The following RUFY3 variants were observed in gnomAD, a reference collection of about 807,000 sequenced individuals.
The protein encoded by RUFY3 is RUN and FYVE domain containing 3, also known as protein RUFY3.
A neutral mutation model predicts 84.0 loss-of-function variants in RUFY3; 34 were observed. That is an observed-to-expected ratio of 0.40 (90% CI 0.31 to 0.54). The LOEUF (loss-of-function observed/expected upper bound fraction) is 0.54. RUFY3 is among the 20% of genes least tolerant of loss of function. The pLI is 0.39. For synonymous variants in RUFY3, 242 were observed against 252.9 expected, an observed-to-expected ratio of 0.96 and a Z score of 0.41; for missense variants, 507 against 736.8, an observed-to-expected ratio of 0.69 and a Z score of 3.61.
intron 1 of RUFY3, among the ~76,000 whole-genome samples, chr4:70,750,470 C>A (rs568055557): frequency 1.9e-4 from 29 of 152,226 alleles, no homozygotes; most frequent in Non-Finnish European, 3.4e-4. Flanking sequence ...AAGAAACATA[C>A]AAGTTATATA....
chr4:70,768,785 C>T, intron 5 of RUFY3, 124 bp downstream of exon 5: 1 of 871,012 alleles, frequency 1.1e-6, no homozygotes, highest in Non-Finnish European at 1.7e-6. Context: ...GGATTTCCTT[C>T]CATTTTGATG....
chr4:70,804,521 C>T lies in RUFY3; in HGVS notation c.1719+105C>T, dbSNP rs1732625129. 1.1e-5 allele frequency: 10 copies of T among 887,634 alleles called. No individual in the cohort carries two copies. The South Asian group carries it at 1.2e-4, about 11-fold the overall frequency. 55.0% of individuals were successfully genotyped at this position (887,634 alleles called of 1,614,324 possible). ...ACTTTCCCGCATAGAGTGCAGAGTG[C>T]ATGCAGAGTGCTGGGAGTGGGGTGA... On this transcript the variant is annotated intron_variant, in intron 17 of 17. Transcript: ENST00000381006.
intron 1 of RUFY3, among the ~76,000 whole-genome samples, chr4:70,711,900 T>C (rs1179934338): frequency 6.6e-6 from 1 of 152,256 alleles, no homozygotes; most frequent in Non-Finnish European, 1.5e-5. Flanking sequence ...TCCCAGCCAA[T>C]TCTCCCCTTC....
upstream of RUFY3, among the ~76,000 whole-genome samples, chr4:70,721,509 A>G (rs1000104068): frequency 1.1e-4 from 17 of 152,114 alleles, no homozygotes; most frequent in Non-Finnish European, 1.9e-4. Flanking sequence ...TAAGATATTT[A>G]AATTGAAAAT....
chr4:70,719,834 C>T (rs1216003836), upstream of RUFY3, among the ~76,000 whole-genome samples: 2 of 152,126 alleles, frequency 1.3e-5, no homozygotes, highest in Non-Finnish European at 2.9e-5. Flanking sequence ...GTGTTTCTGT[C>T]TTACTGCTGC....
chr4:70,783,745 C>T (rs1310274438), intron 9 of RUFY3, among the ~76,000 whole-genome samples: 1 of 152,160 alleles, frequency 6.6e-6, no homozygotes, highest in Non-Finnish European at 1.5e-5. Flanking sequence ...ATTGACAATT[C>T]CCTACTAAAT....
chr4:70,771,285 A>G (rs959451351), intron 5 of RUFY3, among the ~76,000 whole-genome samples: 1 of 152,098 alleles, frequency 6.6e-6, no homozygotes, highest in Non-Finnish European at 1.5e-5. Flanking sequence ...CTGTGAAGCA[A>G]AGTGCAATAA....
At chr4:70,788,009 G>A (rs533654307) in intron 10 of RUFY3, among the ~76,000 whole-genome samples, 6 of 152,176 alleles carry the variant, frequency 3.9e-5, no homozygotes, top group South Asian at 4.1e-4. Context: ...GTTAGCGGCC[G>A]AGTGTGGTGG....
At chr4:70,799,752 AT>A (rs1578260055) in intron 14 of RUFY3, 1 of 181,476 alleles carries the variant, frequency 5.5e-6, no homozygotes, top group African/African-American at 2.4e-5. Context: ...CGTCCAGAGG[AT>A]TATAGTCTGC....
chr4:70,722,273 G>T lies in RUFY3; in HGVS notation c.-301G>T. 8.1e-7 allele frequency: 1 copy of T among 1,232,992 alleles called. No individual in the cohort carries two copies. The highest frequency in any genetic ancestry group is 1.0e-6 in the Non-Finnish European group (1 of 989,354). The allele number at this position is 1,232,992 out of a possible 1,614,324, so 76.4% of individuals were successfully genotyped here. ...GCTCAGCTGAAAAAAAAGGTGGGGG[G>T]CAGGGAAGGGAAGATAAAAGGAGAG... is the stretch of plus-strand genomic sequence containing the variant. On this transcript the variant is annotated 5_prime_UTR_variant, in exon 1 of 18. Coordinates refer to ENST00000381006, the MANE Select transcript of RUFY3 (RefSeq NM_001037442.4).
chr4:70,764,579 A>T lies in RUFY3; in HGVS notation c.572+3A>T, dbSNP rs780913286. The T allele has an allele frequency of 1.3e-6, 2 of 1,539,872 alleles. No individual in the cohort carries two copies. The highest frequency in any genetic ancestry group is 1.1e-5 in the South Asian group (1 of 88,564). On this transcript the variant is annotated splice_donor_region_variant and intron_variant, in intron 4 of 17. Transcript: ENST00000381006. ...ATCAATAAGAAAGAACTTCTCAGGT[A>T]TGAACACCTTCTTGAACTTTCTTCT...
chr4:70,711,736 C>T (rs1479962990), intron 1 of RUFY3, among the ~76,000 whole-genome samples: 1 of 152,190 alleles, frequency 6.6e-6, no homozygotes, highest in Non-Finnish European at 1.5e-5. Context: ...TTGGCTCCTT[C>T]CACACACAGC....
At position 70,722,514 on chromosome 4, in the gene RUFY3, GGTGTGTGTGTGTGAGT is replaced by G; in HGVS notation, c.-49_-34del. 7.0e-7 allele frequency: 1 copy of G among 1,430,966 alleles called. No individual in the cohort carries two copies. Among genetic ancestry groups the G allele is most frequent in the Non-Finnish European group, 9.3e-7 (1 of 1,077,662 alleles). The allele number at this position is 1,430,966 out of a possible 1,614,324, so 88.6% of individuals were successfully genotyped here. On this transcript the variant is annotated 5_prime_UTR_variant, in exon 1 of 18. Transcript: ENST00000381006. ...GTGAGGAGGTTGTATTTATTTTTTT[GGTGTGTGTGTGTGAGT>G]GTGTGTGTGTCTGTGTGTGTGTTGT...
chr4:70,719,654 T>C (rs757214666), upstream of RUFY3, among the ~76,000 whole-genome samples: 1 of 152,244 alleles, frequency 6.6e-6, no homozygotes, highest in Non-Finnish European at 1.5e-5. Context: ...CTACTTACTA[T>C]GTTTTGAAGT....
intron 1 of RUFY3, among the ~76,000 whole-genome samples, chr4:70,724,971 G>A (rs1263221196): frequency 1.3e-5 from 2 of 152,146 alleles, no homozygotes; most frequent in African/African-American, 2.4e-5. Flanking sequence ...ATGTCTGGAC[G>A]CGGGAGTATT....
chr4:70,722,262 A>G lies in RUFY3; in HGVS notation c.-312A>G. ...TAAAGCCTATAGCTCAGCTGAAAAA[A>G]AAGGTGGGGGGCAGGGAAGGGAAGA... On this transcript the variant is annotated 5_prime_UTR_variant, in exon 1 of 18. Transcript: ENST00000381006. The G allele has an allele frequency of 8.1e-7, 1 of 1,232,824 alleles. No homozygotes were observed. Among genetic ancestry groups the G allele is most frequent in the Non-Finnish European group, 1.0e-6 (1 of 989,082 alleles). The allele number at this position is 1,232,824 out of a possible 1,614,324, so 76.4% of individuals were successfully genotyped here.
intron 1 of RUFY3, among the ~76,000 whole-genome samples, chr4:70,710,191 C>G (rs1424971472): frequency 6.6e-6 from 1 of 152,112 alleles, no homozygotes; most frequent in Non-Finnish European, 1.5e-5. Flanking sequence ...TTTATGCTTG[C>G]AGTTTCATTA....
At chr4:70,714,403 T>C (rs1342069714) in intron 1 of RUFY3, among the ~76,000 whole-genome samples, 1 of 152,232 alleles carries the variant, frequency 6.6e-6, no homozygotes, top group Non-Finnish European at 1.5e-5. Flanking sequence ...ATTAAGACTT[T>C]CCTAAACACC....
At chr4:70,805,279 G>A (rs770827423) in intron 17 of RUFY3, among the ~76,000 whole-genome samples, 5 of 152,142 alleles carry the variant, frequency 3.3e-5, no homozygotes. Context: ...TTTTCCACCC[G>A]ATCCTCAAGG....
Sources: allele counts gnomAD v4.1 joint callset (sites outside exome capture counted in the v4.1 genomes callset), GRCh38; gene constraint gnomAD v4.1.1; transcripts MANE v1.5; gene names NCBI Gene and HGNC (gene_info 2026-07-23, HGNC 2026-07-21).